Variants in NKAIN3 observed in about 807,000 individuals in gnomAD.
The protein encoded by NKAIN3 is sodium/potassium-transporting ATPase subunit beta-1-interacting protein 3.
NKAIN3 carries 25 observed loss-of-function variants against 30.2 expected under a neutral mutation model. The ratio of observed to expected loss-of-function variants is 0.83; its 90% confidence interval spans 0.60 to 1.16. NKAIN3 has a LOEUF of 1.16. Ranked by LOEUF, NKAIN3 falls within the 50% of genes most tolerant of loss-of-function variation. NKAIN3 has a pLI of 0.00. For synonymous variants in NKAIN3, 91 were observed against 89.6 expected, an observed-to-expected ratio of 1.02 and a Z score of -0.09; for missense variants, 225 against 254.1, an observed-to-expected ratio of 0.89 and a Z score of 0.78.
chr8:62,790,976 G>A (rs763010709), intron 4 of NKAIN3, among the ~76,000 whole-genome samples: 2 of 151,994 alleles, frequency 1.3e-5, no homozygotes, highest in South Asian at 2.1e-4. Flanking sequence ...CACCTTCTCC[G>A]TAGTAATTGT....
intron 5 of NKAIN3, among the ~76,000 whole-genome samples, chr8:62,998,364 C>T (rs12114932): frequency 0.023 from 3,563 of 152,116 alleles, 143 homozygotes; most frequent in African/African-American, 0.081. Context: ...AAACCTCCAC[C>T]CCCTGGGTTC....
chr8:62,873,624 T>C (rs1820711062), intron 4 of NKAIN3, among the ~76,000 whole-genome samples: 1 of 150,854 alleles, frequency 6.6e-6, no homozygotes. Context: ...GAAACTGAAA[T>C]CATAACAGTA....
intron 1 of NKAIN3, among the ~76,000 whole-genome samples, chr8:62,316,643 G>A (rs976241559): frequency 6.6e-6 from 1 of 152,228 alleles, no homozygotes; most frequent in African/African-American, 2.4e-5. Context: ...ATTCCATGGT[G>A]TATATGTGCC....
At chr8:62,362,963 A>G (rs2351669) in intron 1 of NKAIN3, among the ~76,000 whole-genome samples, 147,598 of 152,258 alleles carry the variant, frequency 0.97, 71,598 homozygotes, top group East Asian at 1. Context: ...GACTCCCGAG[A>G]TTAAGGTAAT....
chr8:62,486,098 A>G (rs768607364), intron 1 of NKAIN3, among the ~76,000 whole-genome samples: 3 of 152,168 alleles, frequency 2.0e-5, no homozygotes, highest in Non-Finnish European at 2.9e-5. Flanking sequence ...AATTAAATCA[A>G]TCAAGACCAC....
rs557420213 is a variant in NKAIN3 at position 62,586,573 on chromosome 8, ATAT to A, written c.193-3137_193-3135del. Among the ~76,000 whole-genome samples, 479 of 152,220 alleles carry A rather than the reference ATAT, an allele frequency of 3.1e-3. 1 individual carries two copies. The highest frequency in any genetic ancestry group is 9.9e-3 in the African/African-American group (412 of 41,552). Reference sequence around the variant, plus strand: ...TTATAAGTCTAGCATATTGTATATGATATTATAGCAAATTGATGTGTATATGAA... The same window carrying A: ...TTATAAGTCTAGCATATTGTATATGATATAGCAAATTGATGTGTATATGAA... On this transcript the variant is annotated intron_variant, in intron 2 of 6. Coordinates refer to ENST00000623646, the MANE Select transcript of NKAIN3 (RefSeq NM_001304533.3).
chr8:62,570,661 T>C (rs1350954550), intron 1 of NKAIN3, among the ~76,000 whole-genome samples: 1 of 152,118 alleles, frequency 6.6e-6, no homozygotes, highest in Non-Finnish European at 1.5e-5. Context: ...GTCCCTCCCA[T>C]AATATATGGG....
At chr8:62,360,314 G>T (rs1180160122) in intron 1 of NKAIN3, among the ~76,000 whole-genome samples, 1 of 152,154 alleles carries the variant, frequency 6.6e-6, no homozygotes, top group African/African-American at 2.4e-5. Context: ...AAAGCAAATG[G>T]TATCAGGATA....
chr8:62,442,118 AT>A (rs1483755328), intron 1 of NKAIN3, among the ~76,000 whole-genome samples: 1 of 151,886 alleles, frequency 6.6e-6, no homozygotes, highest in African/African-American at 2.4e-5. Context: ...ATTAATCTGG[AT>A]TTTTTTCACA....
intron 3 of NKAIN3, among the ~76,000 whole-genome samples, chr8:62,733,513 T>C (rs1209113239): frequency 2.0e-5 from 3 of 152,230 alleles, no homozygotes; most frequent in Non-Finnish European, 4.4e-5. Context: ...CAACCACACT[T>C]AATCAAACAT....
At chr8:62,996,625 T>G (rs1044972007) in intron 5 of NKAIN3, among the ~76,000 whole-genome samples, 1 of 152,178 alleles carries the variant, frequency 6.6e-6, no homozygotes, top group Non-Finnish European at 1.5e-5. Flanking sequence ...CTTCCACCTA[T>G]GAGCCTGTAA....
chr8:62,281,658 G>T (rs1813199340), intron 1 of NKAIN3, among the ~76,000 whole-genome samples: 1 of 152,152 alleles, frequency 6.6e-6, no homozygotes, highest in South Asian at 2.1e-4. Context: ...GGAGCAGGTT[G>T]TTCAGTTTCC....
intron 3 of NKAIN3, among the ~76,000 whole-genome samples, chr8:62,601,262 C>G (rs967788481): frequency 6.6e-6 from 1 of 151,830 alleles, no homozygotes; most frequent in African/African-American, 2.4e-5. Flanking sequence ...TTTATATTTT[C>G]TTTTTGATAT....
chr8:62,308,381 G>GCTTA (rs1238016243), intron 1 of NKAIN3, among the ~76,000 whole-genome samples: 2 of 150,338 alleles, frequency 1.3e-5, no homozygotes, highest in Admixed American at 1.3e-4. Flanking sequence ...TATTAAGACA[G>GCTTA]CTGATGGGGG....
intron 1 of NKAIN3, among the ~76,000 whole-genome samples, chr8:62,517,101 G>A (rs1221822580): frequency 6.6e-6 from 1 of 151,944 alleles, no homozygotes; most frequent in African/African-American, 2.4e-5. Flanking sequence ...TTCAAAATTA[G>A]CACATAAATA....
intron 1 of NKAIN3, among the ~76,000 whole-genome samples, chr8:62,265,196 G>C (rs1035155060): frequency 6.6e-6 from 1 of 152,196 alleles, no homozygotes; most frequent in Admixed American, 6.6e-5. Flanking sequence ...CCTCGGGCTT[G>C]AGAGTACACG....
chr8:62,856,012 A>T (rs1315408376), intron 4 of NKAIN3: 1 of 687,476 alleles, frequency 1.5e-6, no homozygotes, highest in Non-Finnish European at 2.7e-6. Context: ...GGGCACATGA[A>T]CAGGGAGGGC....
chr8:62,492,090 CA>C (rs1807084619), intron 1 of NKAIN3, among the ~76,000 whole-genome samples: 1 of 152,008 alleles, frequency 6.6e-6, no homozygotes, highest in South Asian at 2.1e-4. Flanking sequence ...TCCCTTGAGA[CA>C]AAAATGACAG....
At chr8:62,731,325 A>G (rs1815457972) in intron 3 of NKAIN3, among the ~76,000 whole-genome samples, 2 of 151,538 alleles carry the variant, frequency 1.3e-5, no homozygotes, top group South Asian at 2.1e-4. Context: ...TGATATTTTC[A>G]GTTTAATTTC....
Sources: allele counts gnomAD v4.1 joint callset (sites outside exome capture counted in the v4.1 genomes callset), GRCh38; gene constraint gnomAD v4.1.1; transcripts MANE v1.5; gene names NCBI Gene and HGNC (gene_info 2026-07-23, HGNC 2026-07-21).